MTHFD2L: variants seen among roughly 807,000 people sequenced by gnomAD.
MTHFD2L encodes methylenetetrahydrofolate dehydrogenase (NADP+ dependent) 2 like, also known as bifunctional methylenetetrahydrofolate dehydrogenase/cyclohydrolase 2, mitochondrial.
MTHFD2L carries 29 observed loss-of-function variants against 34.9 expected under a neutral mutation model. The observed-to-expected ratio is 0.83, with a 90% CI of 0.62 to 1.13. The LOEUF (loss-of-function observed/expected upper bound fraction) is 1.13. MTHFD2L is among the 50% of genes most tolerant of loss of function. The probability of loss-of-function intolerance (pLI) is 0.00; values close to 1 mark genes in which losing one functional copy is unlikely to be tolerated. For synonymous variants in MTHFD2L, 167 were observed against 155.7 expected, an observed-to-expected ratio of 1.07 and a Z score of -0.54; for missense variants, 481 against 446.5, an observed-to-expected ratio of 1.08 and a Z score of -0.70.
rs546731207 is a variant in MTHFD2L at position 74,146,005 on chromosome 4, A to T, written c.-296-14050A>T. ...ATTACCCAGTCTCAGGTATCGCTTT[A>T]TAAGAGTGGGAGAATGTACTAATAC... On this transcript the variant is annotated intron_variant, in intron 1 of 7. Coordinates refer to the MTHFD2L transcript ENST00000433372. Among the ~76,000 whole-genome samples, 3 of 152,320 alleles carry T rather than the reference A, an allele frequency of 2.0e-5. No homozygotes were observed. In the East Asian group the frequency reaches 5.8e-4, roughly 29 times the overall value.
At chr4:74,179,584 TGACC>T (rs1299989935) in intron 3 of MTHFD2L, among the ~76,000 whole-genome samples, 1 of 152,084 alleles carries the variant, frequency 6.6e-6, no homozygotes, top group African/African-American at 2.4e-5. Flanking sequence ...TGTGATTTAC[TGACC>T]GTTACTTAAC....
intron 6 of MTHFD2L, among the ~76,000 whole-genome samples, chr4:74,247,989 C>T (rs908245271): frequency 6.6e-6 from 1 of 152,096 alleles, no homozygotes; most frequent in South Asian, 2.1e-4. Context: ...ATGATGCTGG[C>T]CTCATAAAAT....
At chr4:74,137,904 A>G (rs1198452341) in intron 1 of MTHFD2L, among the ~76,000 whole-genome samples, 1 of 152,138 alleles carries the variant, frequency 6.6e-6, no homozygotes, top group African/African-American at 2.4e-5. Context: ...AGCTAAAAAA[A>G]GTGGATATCA....
chr4:74,180,795 G>A (rs566740113), intron 3 of MTHFD2L: 84 of 384,940 alleles, frequency 2.2e-4, no homozygotes, highest in African/African-American at 1.4e-3. Context: ...AAAAATGACC[G>A]AATGCAGATG....
chr4:74,289,838 G>A (rs896431221), intron 7 of MTHFD2L, among the ~76,000 whole-genome samples: 1 of 152,104 alleles, frequency 6.6e-6, no homozygotes, highest in Non-Finnish European at 1.5e-5. Flanking sequence ...CAAGAGTGGA[G>A]GTGCCAGTTC....
chr4:74,140,684 C>A, intron 1 of MTHFD2L: 1 of 395,654 alleles, frequency 2.5e-6, no homozygotes, highest in Non-Finnish European at 3.4e-6. Context: ...CACAGTTCCA[C>A]AGGGCCGGGA....
intron 1 of MTHFD2L, chr4:74,165,014 T>C: frequency 3.2e-5 from 32 of 985,174 alleles, no homozygotes; most frequent in Non-Finnish European, 3.9e-5. Flanking sequence ...ATTTTATTTT[T>C]GATATGCATT....
chr4:74,271,932 T>C (rs1746049325), intron 6 of MTHFD2L, among the ~76,000 whole-genome samples: 2 of 151,882 alleles, frequency 1.3e-5, no homozygotes, highest in African/African-American at 2.4e-5. Flanking sequence ...CTTTGAAGTA[T>C]AGCTAGTAGT....
chr4:74,136,868 A>G (rs1316547807), intron 1 of MTHFD2L, among the ~76,000 whole-genome samples: 1 of 152,216 alleles, frequency 6.6e-6, no homozygotes, highest in Non-Finnish European at 1.5e-5. Context: ...TAAAATGGGG[A>G]AAGGTCAGCC....
intron 1 of MTHFD2L, among the ~76,000 whole-genome samples, chr4:74,149,932 C>A (rs1340684789): frequency 6.6e-6 from 1 of 152,118 alleles, no homozygotes; most frequent in Admixed American, 6.5e-5. Flanking sequence ...CTTGAATTAA[C>A]CTAGTGGGCT....
chr4:74,260,989 G>A (rs553142695), intron 6 of MTHFD2L, among the ~76,000 whole-genome samples: 1 of 146,232 alleles, frequency 6.8e-6, no homozygotes, highest in South Asian at 2.2e-4. Flanking sequence ...ATCTAATAAA[G>A]GGTATCAACT....
chr4:74,135,849 T>G (rs1736470410), intron 1 of MTHFD2L, among the ~76,000 whole-genome samples: 1 of 152,104 alleles, frequency 6.6e-6, no homozygotes, highest in Admixed American at 6.5e-5. Flanking sequence ...ATACACGACA[T>G]TAACAGAATC....
At chr4:74,143,968 A>G (rs555354176) in intron 1 of MTHFD2L, among the ~76,000 whole-genome samples, 63 of 152,312 alleles carry the variant, frequency 4.1e-4, no homozygotes, top group African/African-American at 1.3e-3. Context: ...GAAGGTAGCA[A>G]TTGGAAAAGA....
chr4:74,169,340 C>T (rs527362309), intron 1 of MTHFD2L, among the ~76,000 whole-genome samples: 37 of 152,258 alleles, frequency 2.4e-4, no homozygotes, highest in African/African-American at 6.3e-4. Flanking sequence ...CTCCAGGTCA[C>T]GCAGATTTGT....
intron 1 of MTHFD2L, among the ~76,000 whole-genome samples, chr4:74,166,220 G>A (rs1726664207): frequency 6.6e-6 from 1 of 152,224 alleles, no homozygotes; most frequent in Non-Finnish European, 1.5e-5. Flanking sequence ...GAGGCTGGAA[G>A]TCTGAAATCA....
chr4:74,163,075 ATTT>A (rs55820846), intron 1 of MTHFD2L, among the ~76,000 whole-genome samples: 115,736 of 151,930 alleles, frequency 0.76, 50,111 homozygotes, highest in Non-Finnish European at 0.95. Flanking sequence ...TAAATTGAGC[ATTT>A]TTTTTTTTCC....
At chr4:74,221,525 A>G (rs2110111023) in intron 5 of MTHFD2L, among the ~76,000 whole-genome samples, 1 of 150,822 alleles carries the variant, frequency 6.6e-6, no homozygotes, top group East Asian at 2.0e-4. Context: ...TCTTTGTTTT[A>G]TTTAGTGCTG....
intron 3 of MTHFD2L, among the ~76,000 whole-genome samples, chr4:74,186,241 G>C (rs1731213090): frequency 6.6e-6 from 1 of 151,846 alleles, no homozygotes; most frequent in Non-Finnish European, 1.5e-5. Flanking sequence ...AGCTGATAAA[G>C]GGAATGTATG....
At chr4:74,173,155 CA>C (rs1355980139) in intron 1 of MTHFD2L, among the ~76,000 whole-genome samples, 1 of 152,002 alleles carries the variant, frequency 6.6e-6, no homozygotes, top group Non-Finnish European at 1.5e-5. Flanking sequence ...AATGAAAGGA[CA>C]GGGGCAGAAG....
Sources: gnomAD v4.1 joint callset for allele counts (sites outside exome capture counted in the v4.1 genomes callset) on GRCh38, gnomAD v4.1.1 for gene constraint, MANE v1.5 for transcripts, NCBI Gene and HGNC (gene_info 2026-07-23, HGNC 2026-07-21) for gene names.